PTP4A1: variants seen among roughly 807,000 people sequenced by gnomAD.
PTP4A1 encodes the protein protein tyrosine phosphatase type IVA 1.
In PTP4A1, 9 loss-of-function variants were observed where a neutral mutation model predicts 20.5. The ratio of observed to expected loss-of-function variants is 0.44; its 90% CI spans 0.26 to 0.77. The LOEUF is 0.77. Among genes scored for constraint, PTP4A1 ranks in the 30% least tolerant of loss-of-function variants. The pLI is 0.19. For synonymous variants in PTP4A1, 78 were observed against 67.4 expected, an observed-to-expected ratio of 1.16 and a Z score of -0.77; for missense variants, 137 against 218.8, an observed-to-expected ratio of 0.63 and a Z score of 2.36.
At chr6:63,555,692 C>CTTTTT (rs35538550) in intron 3 of PTP4A1, among the ~76,000 whole-genome samples, 1 of 135,008 alleles carries the variant, frequency 7.4e-6, no homozygotes, top group Admixed American at 7.5e-5. Flanking sequence ...CAATTACACT[C>CTTTTT]TTTTTTTTTT....
chr6:63,578,486 C>G lies in PTP4A1; in HGVS notation c.155C>G (p.Thr52Ser), dbSNP rs770517870. 5 of 1,611,954 alleles carry G rather than the reference C, an allele frequency of 3.1e-6. No individual in the cohort carries two copies. Residue 52 changes from threonine (T) to serine (S), a missense_variant, in exon 3 of 6, where the codon ACT (threonine) becomes AGT (serine). Thr to Ser is a moderately conservative substitution (Grantham distance 58, BLOSUM62 1). Coordinates refer to ENST00000626021, the MANE Select transcript of PTP4A1 (RefSeq NM_003463.5). ...ACAATAGTAAGAGTATGTGAAGCAACTTATGACACTACTCTTGTGGAGAAA... is the reference window on the plus strand; with the variant it reads ...ACAATAGTAAGAGTATGTGAAGCAAGTTATGACACTACTCTTGTGGAGAAA... ...VTTIVRVCEA[T>S]YDTTLVEKEG...
At chr6:63,538,574 G>T (rs984192300) in intron 2 of PTP4A1, among the ~76,000 whole-genome samples, 2 of 152,126 alleles carry the variant, frequency 1.3e-5, no homozygotes, top group Admixed American at 1.3e-4. Context: ...CTTGGTCCAA[G>T]CATATAAAAT....
chr6:63,549,520 CT>C (rs776807752), intron 2 of PTP4A1: 2 of 673,038 alleles, frequency 3.0e-6, no homozygotes, highest in Non-Finnish European at 2.6e-6. Context: ...AGGAGAGAGC[CT>C]GATTTAATTA....
intron 2 of PTP4A1, among the ~76,000 whole-genome samples, chr6:63,577,264 T>G (rs182482133): frequency 6.6e-6 from 1 of 152,328 alleles, no homozygotes; most frequent in East Asian, 1.9e-4. Context: ...GAAATTTACA[T>G]GGGAAAGGTT....
chr6:63,560,402 C>CT (rs915922722), intron 3 of PTP4A1, among the ~76,000 whole-genome samples: 276 of 141,518 alleles, frequency 2.0e-3, no homozygotes, highest in African/African-American at 3.3e-3. Flanking sequence ...AACACAAAGC[C>CT]TTTTTTTTTT....
rs1002315607 is a variant in PTP4A1 at position 63,562,753 on chromosome 6, A to G, written c.-446+12260A>G. ...CTTAATACCTAAATATACAACTTTT[A>G]GGAGTCCCGCTGCTATATTCTCAAA... On this transcript the variant is annotated intron_variant, in intron 3 of 3. Transcript: ENST00000639568. Among the ~76,000 whole-genome samples, 11 of 152,370 alleles carry G rather than the reference A, an allele frequency of 7.2e-5. 1 individual carries two copies. The highest frequency in any genetic ancestry group is 5.9e-4 in the Admixed American group (9 of 15,304).
intron 1 of PTP4A1, 38 bp downstream of exon 1, chr6:63,572,757 A>G (rs1331283553): frequency 5.0e-6 from 2 of 398,160 alleles, no homozygotes; most frequent in African/African-American, 4.1e-5. Flanking sequence ...CGGGCTGGGA[A>G]TCCACGACCG....
At chr6:63,570,273 G>A (rs1581943807), upstream of PTP4A1, among the ~76,000 whole-genome samples, 1 of 152,214 alleles carries the variant, frequency 6.6e-6, no homozygotes, top group East Asian at 1.9e-4. Flanking sequence ...TGAGGTTGCA[G>A]TGAGCAAAGA....
intron 1 of PTP4A1, chr6:63,573,504 G>A (rs1777629190): frequency 6.6e-6 from 1 of 152,322 alleles, no homozygotes; most frequent in Middle Eastern, 3.4e-3. Context: ...GCGCGGAGAG[G>A]GGGCGCAGCG....
Position 63,580,804 on chromosome 6 carries a change from A to G in PTP4A1, c.*630A>G, listed in dbSNP as rs1778182322. The G allele has an allele frequency of 6.6e-6, 1 of 152,480 alleles. No individual in the cohort carries two copies. Among genetic ancestry groups the G allele is most frequent in the Non-Finnish European group, 1.5e-5 (1 of 68,008 alleles). 9.4% of individuals were successfully genotyped at this position (152,480 alleles called of 1,614,324 possible). ...TGTATCTCACTTTGTGCTGTATTAA[A>G]AAAACCTCCATTTTGAAAATCTACG... On this transcript the variant is annotated 3_prime_UTR_variant, in exon 6 of 6. Coordinates refer to ENST00000626021, the MANE Select transcript of PTP4A1 (RefSeq NM_003463.5).
chr6:63,574,843 G>A (rs753408186), intron 1 of PTP4A1, among the ~76,000 whole-genome samples: 13 of 152,176 alleles, frequency 8.5e-5, no homozygotes, highest in Admixed American at 5.9e-4. Context: ...ATTATTTTCA[G>A]ATTACTACAA....
chr6:63,573,133 T>G (rs1199284078), intron 1 of PTP4A1: 1 of 159,586 alleles, frequency 6.3e-6, no homozygotes, highest in Non-Finnish European at 1.4e-5. Context: ...CGTCCGGGCA[T>G]GGCAGGCTCC....
intron 2 of PTP4A1, among the ~76,000 whole-genome samples, chr6:63,541,719 C>T (rs1162411333): frequency 6.6e-6 from 1 of 152,100 alleles, no homozygotes; most frequent in Non-Finnish European, 1.5e-5. Flanking sequence ...TGTCTCCATC[C>T]AACTCCATTA....
At chr6:63,563,703 T>C (rs1461432843) in intron 3 of PTP4A1, among the ~76,000 whole-genome samples, 1 of 152,098 alleles carries the variant, frequency 6.6e-6, no homozygotes. Flanking sequence ...ACATATGTGT[T>C]GGGGAAGGAG....
intron 2 of PTP4A1, among the ~76,000 whole-genome samples, chr6:63,544,927 C>T (rs925876192): frequency 6.6e-6 from 1 of 152,140 alleles, no homozygotes; most frequent in Non-Finnish European, 1.5e-5. Flanking sequence ...CGAAGAGATA[C>T]TTTAAAGTTA....
intron 3 of PTP4A1, among the ~76,000 whole-genome samples, chr6:63,565,616 A>T (rs533548590): frequency 6.6e-6 from 1 of 152,198 alleles, no homozygotes; most frequent in Non-Finnish European, 1.5e-5. Flanking sequence ...GACTGTTTCT[A>T]TATGTCTGAC....
At chr6:63,528,842 T>G (rs1775309195) in intron 2 of PTP4A1, among the ~76,000 whole-genome samples, 1 of 152,024 alleles carries the variant, frequency 6.6e-6, no homozygotes, top group Admixed American at 6.6e-5. Context: ...TTTATAAAAA[T>G]ATTTGGGAGG....
chr6:63,517,734 G>A (rs1334540779), upstream of PTP4A1, among the ~76,000 whole-genome samples: 1 of 152,096 alleles, frequency 6.6e-6, no homozygotes, highest in African/African-American at 2.4e-5. Flanking sequence ...CACAGACACT[G>A]ATGGAGAATT....
chr6:63,547,542 G>T (rs1295841153), intron 2 of PTP4A1, among the ~76,000 whole-genome samples: 1 of 116,944 alleles, frequency 8.6e-6, no homozygotes, highest in Non-Finnish European at 1.7e-5. Flanking sequence ...GTCTTGCTCT[G>T]TCGCCCAGGC....
Sources: gnomAD v4.1 joint callset for allele counts (sites outside exome capture counted in the v4.1 genomes callset) on GRCh38, gnomAD v4.1.1 for gene constraint, MANE v1.5 for transcripts, NCBI Gene and HGNC (gene_info 2026-07-23, HGNC 2026-07-21) for gene names.